Variants in CTNNA3 observed in about 807,000 individuals in gnomAD.
CTNNA3 encodes catenin alpha 3.
CTNNA3 carries 76 observed loss-of-function variants against 95.7 expected under a neutral mutation model. The observed-to-expected ratio is 0.79, with a 90% CI of 0.66 to 0.96. The LOEUF (loss-of-function observed/expected upper bound fraction) is 0.96. Among genes scored for constraint, CTNNA3 ranks in the 40% least tolerant of loss-of-function variants. The pLI is 0.00. For missense variants in CTNNA3, 1,191 were observed against 1,089.8 expected (o/e 1.09, Z -1.31); for synonymous variants, 431 against 374.4 (o/e 1.15, Z -1.74).
intron 7 of CTNNA3, among the ~76,000 whole-genome samples, chr10:67,029,525 C>T (rs1419755292): frequency 3.9e-5 from 6 of 152,130 alleles, no homozygotes; most frequent in Non-Finnish European, 8.8e-5. Flanking sequence ...CAAACACAAA[C>T]ATTATTTAAG....
At chr10:67,411,493 CAA>C (rs1845365330) in intron 5 of CTNNA3, among the ~76,000 whole-genome samples, 1 of 151,920 alleles carries the variant, frequency 6.6e-6, no homozygotes, top group Non-Finnish European at 1.5e-5. Context: ...CAGCCCATTC[CAA>C]ATGAGGATCT....
At chr10:66,700,926 A>G (rs190611169) in intron 9 of CTNNA3, among the ~76,000 whole-genome samples, 9 of 152,298 alleles carry the variant, frequency 5.9e-5, no homozygotes, top group Non-Finnish European at 1.3e-4. Context: ...ATAGCATTTT[A>G]CATTTCGTCC....
chr10:66,038,028 G>A (rs1285365850), intron 15 of CTNNA3, among the ~76,000 whole-genome samples: 1 of 152,052 alleles, frequency 6.6e-6, no homozygotes, highest in South Asian at 2.1e-4. Context: ...GAAGCTCTAC[G>A]CATTGCTTTA....
chr10:66,538,532 G>T (rs1386910100), intron 10 of CTNNA3, among the ~76,000 whole-genome samples: 1 of 152,166 alleles, frequency 6.6e-6, no homozygotes, highest in African/African-American at 2.4e-5. Flanking sequence ...TAACCAAAAA[G>T]AAAGTGCTTG....
chr10:66,415,008 G>A (rs1037557787), intron 11 of CTNNA3, among the ~76,000 whole-genome samples: 1 of 152,076 alleles, frequency 6.6e-6, no homozygotes, highest in African/African-American at 2.4e-5. Context: ...TGGCATGCAT[G>A]CTCCCCACCT....
At chr10:66,449,089 A>G (rs1360480773) in intron 11 of CTNNA3, among the ~76,000 whole-genome samples, 2 of 152,232 alleles carry the variant, frequency 1.3e-5, no homozygotes, top group East Asian at 3.9e-4. Flanking sequence ...ATTATATAAA[A>G]AAAGCAAATG....
intron 12 of CTNNA3, among the ~76,000 whole-genome samples, chr10:66,323,707 T>G (rs1323121186): frequency 6.6e-6 from 1 of 150,818 alleles, no homozygotes; most frequent in Admixed American, 6.6e-5. Context: ...AAGCCCCTAC[T>G]CTCAAGCCTG....
intron 2 of CTNNA3, among the ~76,000 whole-genome samples, chr10:67,609,047 G>A (rs919565620): frequency 7.8e-6 from 1 of 127,628 alleles, no homozygotes; most frequent in Non-Finnish European, 1.5e-5. Context: ...CCGAAATCAC[G>A]CCATTGCACT....
At chr10:66,501,970 C>T (rs763100474) in intron 11 of CTNNA3, among the ~76,000 whole-genome samples, 2 of 152,012 alleles carry the variant, frequency 1.3e-5, no homozygotes, top group South Asian at 2.1e-4. Flanking sequence ...AAGACTTCAC[C>T]GTAAGATTAC....
rs546550340 is a variant in CTNNA3, at chr10:67,539,513, T to C, written c.449A>G (p.His150Arg). ...CCATCTTTTACTTACAGCTGACACA[T>C]GTTGCAAGAGGCACATGACATCAAT... Reference protein sequence around the residue: ...DMIDVMCLLQHVSAFQRTFES... With the variant: ...DMIDVMCLLQRVSAFQRTFES... The change falls in exon 4 of 18, where the codon CAT becomes CGT. Residue 150 changes from histidine (H) to arginine (R), a missense_variant. By Grantham distance (29) the His-to-Arg change is conservative. Transcript: ENST00000433211. The C allele has an allele frequency of 3.6e-5, 58 of 1,613,286 alleles. No individual in the cohort carries two copies. The East Asian group carries it at 1.1e-3, about 31-fold the overall frequency.
intron 3 of CTNNA3, among the ~76,000 whole-genome samples, chr10:67,548,488 G>A (rs538923803): frequency 3.3e-5 from 5 of 152,184 alleles, no homozygotes; most frequent in South Asian, 4.1e-4. Context: ...ACCCAGAATA[G>A]CCAAAACAAT....
chr10:67,161,454 T>C (rs2394353), intron 7 of CTNNA3, among the ~76,000 whole-genome samples: 3,213 of 151,838 alleles, frequency 0.021, 92 homozygotes, highest in African/African-American at 0.071. Flanking sequence ...TGGTAAAATG[T>C]CAACTTTATT....
intron 3 of CTNNA3, among the ~76,000 whole-genome samples, chr10:67,553,598 G>A (rs1019124334): frequency 6.6e-6 from 1 of 151,916 alleles, no homozygotes; most frequent in African/African-American, 2.4e-5. Context: ...TAAAAATACG[G>A]GAAATAAGAT....
chr10:67,187,273 AT>A (rs1350933942), intron 6 of CTNNA3, among the ~76,000 whole-genome samples: 3 of 152,264 alleles, frequency 2.0e-5, no homozygotes, highest in African/African-American at 7.2e-5. Flanking sequence ...ATCATCATTA[AT>A]TTATACATGT....
At chr10:66,587,854 C>T (rs1241371145) in intron 10 of CTNNA3, among the ~76,000 whole-genome samples, 1 of 152,148 alleles carries the variant, frequency 6.6e-6, no homozygotes, top group Non-Finnish European at 1.5e-5. Flanking sequence ...CAGGCCGCAC[C>T]CCTTCTGGTC....
chr10:66,894,135 A>G (rs1845382115), intron 7 of CTNNA3, among the ~76,000 whole-genome samples: 1 of 152,074 alleles, frequency 6.6e-6, no homozygotes, highest in African/African-American at 2.4e-5. Context: ...TGAATTTATT[A>G]GATGGTGTCA....
intron 7 of CTNNA3, among the ~76,000 whole-genome samples, chr10:67,173,003 T>A (rs913235087): frequency 4.0e-5 from 6 of 151,656 alleles, no homozygotes; most frequent in Non-Finnish European, 8.8e-5. Flanking sequence ...TGTATCCCGG[T>A]TTGGATAACA....
chr10:67,532,579 T>C (rs528483303), intron 4 of CTNNA3, among the ~76,000 whole-genome samples: 1 of 152,290 alleles, frequency 6.6e-6, no homozygotes, highest in South Asian at 2.1e-4. Context: ...AAAACATGAC[T>C]ATGGTATGAT....
At chr10:66,701,309 T>C (rs1407814675) in intron 9 of CTNNA3, among the ~76,000 whole-genome samples, 1 of 152,166 alleles carries the variant, frequency 6.6e-6, no homozygotes, top group Non-Finnish European at 1.5e-5. Flanking sequence ...CCCCAAATTT[T>C]GCCTTTTATC....
Sources: allele counts gnomAD v4.1 joint callset (sites outside exome capture counted in the v4.1 genomes callset), GRCh38; gene constraint gnomAD v4.1.1; transcripts MANE v1.5; gene names NCBI Gene and HGNC (gene_info 2026-07-23, HGNC 2026-07-21).